Variants in PRKAA2 observed in about 807,000 individuals in gnomAD.
PRKAA2 encodes 5'-AMP-activated protein kinase catalytic subunit alpha-2.
Under a neutral mutation model 56.3 loss-of-function variants are expected in PRKAA2, and 40 were observed. The observed-to-expected ratio is 0.71, with a 90% CI of 0.55 to 0.92. PRKAA2 has a LOEUF of 0.92. Ranked by LOEUF, PRKAA2 falls within the 40% of genes least tolerant of loss-of-function variation. The pLI, the probability that PRKAA2 is intolerant of heterozygous loss-of-function variation, is 0.00. For synonymous variants in PRKAA2, 214 were observed against 234.2 expected (o/e 0.91, Z 0.79); for missense variants, 542 against 686.9 (o/e 0.79, Z 2.36).
chr1:56,687,526 G>T (rs548545026), intron 2 of PRKAA2, among the ~76,000 whole-genome samples: 85 of 152,222 alleles, frequency 5.6e-4, no homozygotes, highest in African/African-American at 2.0e-3. Flanking sequence ...GGGGAAGGCG[G>T]ATCCCTATAT....
Position 56,696,114 on chromosome 1 carries a change from T to C in PRKAA2, c.743T>C (p.Met248Thr). The C allele has an allele frequency of 6.2e-7, 1 of 1,613,748 alleles. No homozygotes were observed. Among genetic ancestry groups the C allele is most frequent in the Non-Finnish European group, 8.5e-7 (1 of 1,179,944 alleles). ...TCTGTCGCCACTCTCCTGATGCATATGCTGCAGGTTGACCCACTGAAACGA... is the reference window on the plus strand; with the variant it reads ...TCTGTCGCCACTCTCCTGATGCATACGCTGCAGGTTGACCCACTGAAACGA... Reference protein sequence around the residue: ...NRSVATLLMHMLQVDPLKRAT... With the variant: ...NRSVATLLMHTLQVDPLKRAT... Residue 248 changes from methionine to threonine, a missense_variant, in exon 6 of 9, where the codon ATG becomes ACG. Coordinates refer to ENST00000371244, the MANE Select transcript of PRKAA2 (RefSeq NM_006252.4).
At chr1:56,672,617 A>G (rs1210568519) in intron 1 of PRKAA2, among the ~76,000 whole-genome samples, 1 of 152,172 alleles carries the variant, frequency 6.6e-6, no homozygotes, top group African/African-American at 2.4e-5. Flanking sequence ...CAGGCAGAGG[A>G]CATAAAGGAA....
intron 5 of PRKAA2, among the ~76,000 whole-genome samples, chr1:56,694,616 C>T (rs1277641579): frequency 6.6e-6 from 1 of 152,006 alleles, no homozygotes; most frequent in Non-Finnish European, 1.5e-5. Flanking sequence ...TCCTAATAGA[C>T]TACTGTATGC....
At chr1:56,647,120 G>A (rs1569693567) in intron 1 of PRKAA2, among the ~76,000 whole-genome samples, 1 of 152,266 alleles carries the variant, frequency 6.6e-6, no homozygotes, top group African/African-American at 2.4e-5. Flanking sequence ...TGTCCTGTGA[G>A]GGTTATAAAG....
At chr1:56,673,243 C>A (rs1218516851) in intron 1 of PRKAA2, among the ~76,000 whole-genome samples, 1 of 151,840 alleles carries the variant, frequency 6.6e-6, no homozygotes, top group African/African-American at 2.4e-5. Flanking sequence ...GGGATGCTGG[C>A]ACATTCTTGT....
chr1:56,695,115 C>T (rs1644249967), intron 5 of PRKAA2, among the ~76,000 whole-genome samples: 1 of 150,614 alleles, frequency 6.6e-6, no homozygotes, highest in African/African-American at 2.4e-5. Context: ...AGGATAAATA[C>T]TGTCTACACA....
intron 1 of PRKAA2, among the ~76,000 whole-genome samples, chr1:56,672,356 A>T (rs1644083407): frequency 6.6e-6 from 1 of 152,124 alleles, no homozygotes; most frequent in Non-Finnish European, 1.5e-5. Flanking sequence ...GGCTCAAGTG[A>T]ACCACCTGCC....
chr1:56,674,901 C>G (rs370684099), intron 2 of PRKAA2, among the ~76,000 whole-genome samples: 11 of 151,890 alleles, frequency 7.2e-5, no homozygotes, highest in Non-Finnish European at 7.4e-5. Context: ...TTTATCTAGT[C>G]AATTTTCACT....
At chr1:56,688,669 T>C (rs1417483319) in intron 2 of PRKAA2, among the ~76,000 whole-genome samples, 1 of 152,224 alleles carries the variant, frequency 6.6e-6, no homozygotes, top group African/African-American at 2.4e-5. Context: ...CTCAGTGTTG[T>C]GACTCAAAGG....
chr1:56,647,717 G>A (rs924435940), intron 1 of PRKAA2, among the ~76,000 whole-genome samples: 2 of 147,580 alleles, frequency 1.4e-5, no homozygotes, highest in African/African-American at 5.0e-5. Flanking sequence ...AAAAAGTCAT[G>A]TTTTTTTTTT....
At chr1:56,690,287 C>T (rs1644219656) in intron 2 of PRKAA2, among the ~76,000 whole-genome samples, 1 of 151,990 alleles carries the variant, frequency 6.6e-6, no homozygotes, top group South Asian at 2.1e-4. Context: ...CCTCAGCCTC[C>T]CGAGTAGCTG....
At chr1:56,652,373 T>G (rs1014584224) in intron 1 of PRKAA2, among the ~76,000 whole-genome samples, 2 of 152,122 alleles carry the variant, frequency 1.3e-5, no homozygotes, top group African/African-American at 2.4e-5. Context: ...GCCAGGATGG[T>G]CTTGCTCTCT....
intron 8 of PRKAA2, among the ~76,000 whole-genome samples, chr1:56,707,024 T>C (rs773932691): frequency 1.3e-5 from 2 of 152,172 alleles, no homozygotes; most frequent in East Asian, 1.9e-4. Context: ...TTTCTGGAGA[T>C]TGGTCCTGGG....
rs368198472 is a variant in PRKAA2 at position 56,655,260 on chromosome 1, T to TTATATACATATATA, written c.94+9785_94+9786insCATATATATATATA. Among the ~76,000 whole-genome samples the TTATATACATATATA allele has an allele frequency of 2.0e-3, 143 of 71,532 alleles. 10 individuals are homozygous for TTATATACATATATA. Among genetic ancestry groups the TTATATACATATATA allele is most frequent in the African/African-American group, 2.7e-3 (45 of 16,890 alleles). The allele number at this position is 71,532 out of a possible 152,430, so 46.9% of individuals were successfully genotyped here. On this transcript the variant is annotated intron_variant, in intron 1 of 8. Transcript: ENST00000371244. ...TTACTGTTTCTCACAATGTATGTAT[T>TTATATACATATATA]TATATATCTATATATATATATTTTT...
chr1:56,650,840 A>T (rs1193191301), intron 1 of PRKAA2, among the ~76,000 whole-genome samples: 1 of 152,220 alleles, frequency 6.6e-6, no homozygotes, highest in East Asian at 1.9e-4. Context: ...AAATTAAGTA[A>T]ATATTTTACT....
At chr1:56,661,957 A>G (rs1643997655) in intron 1 of PRKAA2, among the ~76,000 whole-genome samples, 1 of 152,070 alleles carries the variant, frequency 6.6e-6, no homozygotes, top group Non-Finnish European at 1.5e-5. Flanking sequence ...ACTATTTAGT[A>G]TACTAATTTT....
At chr1:56,673,941 T>G (rs1325014111) in intron 1 of PRKAA2, among the ~76,000 whole-genome samples, 1 of 152,216 alleles carries the variant, frequency 6.6e-6, no homozygotes, top group Non-Finnish European at 1.5e-5. Flanking sequence ...GAATTCTCTG[T>G]TGAAATAGTA....
At chr1:56,661,281 A>G (rs1160993547) in intron 1 of PRKAA2, among the ~76,000 whole-genome samples, 2 of 152,184 alleles carry the variant, frequency 1.3e-5, no homozygotes, top group Non-Finnish European at 2.9e-5. Context: ...AACTGAACAC[A>G]TCCACGTAAC....
At chr1:56,672,193 C>T (rs1008147890) in intron 1 of PRKAA2, among the ~76,000 whole-genome samples, 1 of 152,140 alleles carries the variant, frequency 6.6e-6, no homozygotes, top group Non-Finnish European at 1.5e-5. Context: ...TCTTGGGTTA[C>T]TACAACCTCC....
Sources: gnomAD v4.1 joint callset for allele counts (sites outside exome capture counted in the v4.1 genomes callset) on GRCh38, gnomAD v4.1.1 for gene constraint, MANE v1.5 for transcripts, NCBI Gene and HGNC (gene_info 2026-07-23, HGNC 2026-07-21) for gene names.